The following HSP90AA1 variants were observed in gnomAD, a reference collection of about 807,000 sequenced individuals.
The protein encoded by HSP90AA1 is heat shock protein 90 alpha family class A member 1.
A neutral mutation model predicts 73.3 loss-of-function variants in HSP90AA1; 18 were observed. The observed-to-expected ratio is 0.25, with a 90% CI of 0.17 to 0.36. The LOEUF is 0.36. Ranked by LOEUF, HSP90AA1 falls within the 10% of genes least tolerant of loss-of-function variation. The pLI, the probability that HSP90AA1 is intolerant of heterozygous loss-of-function variation, is 1.00. For missense variants in HSP90AA1, 704 were observed against 874.2 expected, an observed-to-expected ratio of 0.81 and a Z score of 2.45; for synonymous variants, 477 against 296.9, an observed-to-expected ratio of 1.61 and a Z score of -6.24.
chr14:102,083,097 T>C lies in HSP90AA1; in HGVS notation c.1692A>G (p.Lys564=), dbSNP rs759120187. The change falls in exon 9 of 11, where the codon AAA becomes AAG. Residue 564 remains lysine (K), a synonymous_variant. Coordinates refer to ENST00000216281, the MANE Select transcript of HSP90AA1 (RefSeq NM_005348.4). ...DEEEKKKQEE[K]KTKFENLCKI... ...TGCAGAGGTTCTCAAACTTTGTTTT[T>C]TTCTCTTCCTGCTTCTTTTTCTCTT... 5 of 1,613,950 alleles carry C rather than the reference T, an allele frequency of 3.1e-6. No homozygotes were observed. The highest frequency in any genetic ancestry group is 2.7e-5 in the African/African-American group (2 of 75,034).
chr14:102,095,413 C>T (rs376131343), intron 2 of HSP90AA1, among the ~76,000 whole-genome samples: 74 of 152,236 alleles, frequency 4.9e-4, no homozygotes, highest in African/African-American at 1.3e-3. Flanking sequence ...CTCCCTCCTG[C>T]GGAAGCCTCA....
chr14:102,136,025 G>A (rs1361178501), intron 1 of HSP90AA1, among the ~76,000 whole-genome samples: 8 of 152,250 alleles, frequency 5.3e-5, no homozygotes, highest in African/African-American at 1.4e-4. Flanking sequence ...CAGGGGAGGC[G>A]CCGAGAGCAA....
At position 102,081,741 on chromosome 14, in the gene HSP90AA1, C is replaced by T. The variant is rs563025620; in HGVS notation, c.2170G>A (p.Asp724Asn). The T allele has an allele frequency of 2.1e-5, 33 of 1,578,940 alleles. No homozygotes were observed. The South Asian group carries it at 2.8e-4, about 13-fold the overall frequency. The change falls in exon 11 of 11, where the codon GAC (aspartate) becomes AAC (asparagine). Residue 724 changes from aspartate (D) to asparagine (N), a missense_variant. Asp to Asn is a conservative substitution (Grantham distance 23). Transcript: ENST00000216281. Reference sequence around the variant, plus strand: ...TCTACTTCTTCCATGCGTGATGTGTCGTCATCTCCTTCAAGGGGTGGCATT... The same window carrying T: ...TCTACTTCTTCCATGCGTGATGTGTTGTCATCTCCTTCAAGGGGTGGCATT... ...EEMPPLEGDD[D>N]TSRMEEVD
chr14:102,086,508 G>A (rs947883066), intron 1 of HSP90AA1, 130 bp from the exon 2 acceptor site: 5 of 1,040,640 alleles, frequency 4.8e-6, no homozygotes, highest in South Asian at 3.9e-5. Context: ...ACCGAAAATA[G>A]AAGGGCGGCT....
intron 2 of HSP90AA1, among the ~76,000 whole-genome samples, chr14:102,097,091 G>A (rs568282494): frequency 1.5e-3 from 227 of 152,138 alleles, no homozygotes; most frequent in African/African-American, 5.3e-3. Context: ...GGGTTCAAGT[G>A]ATTCTCTGCC....
At chr14:102,085,066 A>G in intron 4 of HSP90AA1, 68 bp from the exon 5 acceptor site, 1 of 1,610,882 alleles carries the variant, frequency 6.2e-7, no homozygotes, top group Non-Finnish European at 8.5e-7. Flanking sequence ...CTGCACCACT[A>G]TTTTCAACCT....
chr14:102,085,740 G>C lies in HSP90AA1; in HGVS notation c.529+18C>G, dbSNP rs189235249. 3.8e-5 allele frequency: 62 copies of C among 1,613,814 alleles called. No homozygotes were observed. Among genetic ancestry groups the C allele is most frequent in the Non-Finnish European group, 5.1e-5 (60 of 1,179,882 alleles). ...CCCTTCCACCGCTCACTTAACCAGTGAATGTTCAGGTGCCTACCTGTGTCT... is the reference window on the plus strand; with the variant it reads ...CCCTTCCACCGCTCACTTAACCAGTCAATGTTCAGGTGCCTACCTGTGTCT... On this transcript the variant is annotated intron_variant, in intron 3 of 10. Coordinates refer to ENST00000216281, the MANE Select transcript of HSP90AA1 (RefSeq NM_005348.4).
intron 1 of HSP90AA1, among the ~76,000 whole-genome samples, chr14:102,125,503 A>G (rs1242705551): frequency 6.6e-6 from 1 of 152,162 alleles, no homozygotes; most frequent in African/African-American, 2.4e-5. Flanking sequence ...AGCTGGGACT[A>G]AGGAAGTGAG....
chr14:102,086,455 AAT>A, intron 1 of HSP90AA1, 77 bp from the exon 2 acceptor site: 1 of 1,504,888 alleles, frequency 6.6e-7, no homozygotes, highest in Non-Finnish European at 9.3e-7. Flanking sequence ...GCGTTCTCCA[AAT>A]ATTTTTAAAG....
intron 1 of HSP90AA1, among the ~76,000 whole-genome samples, chr14:102,104,865 A>G (rs777469097): frequency 3.3e-5 from 5 of 151,856 alleles, no homozygotes; most frequent in Non-Finnish European, 5.9e-5. Context: ...TTCACTTAAC[A>G]TAATGACCTC....
intron 9 of HSP90AA1, chr14:102,082,778 C>T (rs568194769): frequency 2.0e-6 from 1 of 510,378 alleles, no homozygotes; most frequent in East Asian, 3.7e-5. Context: ...TGCCACCACG[C>T]CTGGTTTATT....
chr14:102,081,876 G>A (rs1020281389), intron 10 of HSP90AA1, 55 bp from the exon 11 acceptor site: 2 of 885,662 alleles, frequency 2.3e-6, no homozygotes, highest in Non-Finnish European at 3.9e-6. Flanking sequence ...CCAGCTATTA[G>A]GGTAATACTC....
chr14:102,108,790 C>G (rs1180639720), intron 1 of HSP90AA1, among the ~76,000 whole-genome samples: 1 of 152,056 alleles, frequency 6.6e-6, no homozygotes, highest in African/African-American at 2.4e-5. Context: ...CCACCTCGGC[C>G]TCCCAAAGTG....
At chr14:102,133,206 G>A (rs1265560364) in intron 1 of HSP90AA1, among the ~76,000 whole-genome samples, 2 of 151,922 alleles carry the variant, frequency 1.3e-5, no homozygotes, top group Non-Finnish European at 2.9e-5. Context: ...CTTGAACCCA[G>A]GAGGTGGAGG....
At position 102,084,895 on chromosome 14, in the gene HSP90AA1, G is replaced by A. The variant is rs980916090; in HGVS notation, c.767C>T (p.Pro256Leu). Residue 256 changes from proline (P) to leucine (L), a missense_variant, in exon 5 of 11, where the codon CCT (proline) becomes CTT (leucine). By Grantham distance (98) the Pro-to-Leu change is moderately conservative (BLOSUM62 -3). Coordinates refer to ENST00000216281, the MANE Select transcript of HSP90AA1 (RefSeq NM_005348.4). ...ATCAGAACCAACATCTTCAATTTCA[G>A]GTTTGTCTTCCGACTCTTTCTCTTC... ...EKEEKESEDK[P>L]EIEDVGSDEE... 20 of 1,563,222 alleles carry A rather than the reference G, an allele frequency of 1.3e-5. No individual in the cohort carries two copies. The highest frequency in any genetic ancestry group is 4.1e-5 in the African/African-American group (3 of 73,798).
intron 1 of HSP90AA1, among the ~76,000 whole-genome samples, chr14:102,105,692 C>G (rs758832671): frequency 6.6e-6 from 1 of 152,154 alleles, no homozygotes; most frequent in African/African-American, 2.4e-5. Context: ...GAAGGTCATT[C>G]ATTCTGAGAT....
chr14:102,123,771 C>T (rs2049808042), intron 1 of HSP90AA1, among the ~76,000 whole-genome samples: 1 of 152,106 alleles, frequency 6.6e-6, no homozygotes, highest in African/African-American at 2.4e-5. Flanking sequence ...AAAGGCACCC[C>T]CCACTTCCCT....
At position 102,082,372 on chromosome 14, in the gene HSP90AA1, T is replaced by C; in HGVS notation, c.1828A>G (p.Met610Val). 1 of 1,614,028 alleles carries C rather than the reference T, an allele frequency of 6.2e-7. No homozygotes were observed. ...GCTTGAGCTTTCATGATTCTCTCCATGTTTGCTGTCCAGCCATATGTGCTT... is the reference window on the plus strand; with the variant it reads ...GCTTGAGCTTTCATGATTCTCTCCACGTTTGCTGTCCAGCCATATGTGCTT... ...VTSTYGWTAN[M>V]ERIMKAQALR... The change falls in exon 10 of 11, where the codon ATG (methionine) becomes GTG (valine). Residue 610 changes from methionine (M) to valine (V), a missense_variant. Transcript: ENST00000216281.
chr14:102,085,915 A>C lies in HSP90AA1; in HGVS notation c.372T>G (p.Ala124=). The change falls in exon 3 of 11, where the codon GCT becomes GCG. Residue 124 remains alanine, a synonymous_variant. Coordinates refer to ENST00000216281, the MANE Select transcript of HSP90AA1 (RefSeq NM_005348.4). ...GTKAFMEALQ[A]GADISMIGQF... ...GGCCAATCATAGAGATATCTGCACC[A>C]GCCTGCAAAGCTTCCATGAACGCTT... The C allele has an allele frequency of 6.8e-6, 11 of 1,614,020 alleles. No individual in the cohort carries two copies. The highest frequency in any genetic ancestry group is 5.9e-6 in the Non-Finnish European group (7 of 1,179,880).
Sources: allele counts gnomAD v4.1 joint callset (sites outside exome capture counted in the v4.1 genomes callset), GRCh38; gene constraint gnomAD v4.1.1; transcripts MANE v1.5; gene names NCBI Gene and HGNC (gene_info 2026-07-23, HGNC 2026-07-21).